The following ACAP2 variants were observed in gnomAD, a reference collection of about 807,000 sequenced individuals.
The protein encoded by ACAP2 is ArfGAP with coiled-coil, ankyrin repeat and PH domains 2, also known as arf-GAP with coiled-coil, ANK repeat and PH domain-containing protein 2.
In ACAP2, 39 loss-of-function variants were observed where a neutral mutation model predicts 115.8. The observed-to-expected ratio is 0.34, with a 90% CI of 0.26 to 0.44. The LOEUF (loss-of-function observed/expected upper bound fraction) is 0.44. Among genes scored for constraint, ACAP2 ranks in the 20% least tolerant of loss-of-function variants. The probability of loss-of-function intolerance (pLI) is 1.00; values close to 1 mark genes in which losing one functional copy is unlikely to be tolerated. For missense variants in ACAP2, 662 were observed against 927.6 expected, an observed-to-expected ratio of 0.71 and a Z score of 3.72; for synonymous variants, 289 against 315.8, an observed-to-expected ratio of 0.92 and a Z score of 0.90.
chr3:195,345,665 A>C (rs73890784), intron 4 of ACAP2, among the ~76,000 whole-genome samples: 3,494 of 152,276 alleles, frequency 0.023, 135 homozygotes, highest in African/African-American at 0.079. Context: ...CATTACAGAA[A>C]TTATTTACTC....
rs574115928 is a variant in ACAP2, at chr3:195,401,097, G to T, written c.54-8950C>A. Among the ~76,000 whole-genome samples, 87 of 152,206 alleles carry T rather than the reference G, an allele frequency of 5.7e-4. 1 individual carries two copies. The highest frequency in any genetic ancestry group is 5.7e-3 in the Admixed American group (87 of 15,288). ...CTGCCATATTCCTGCTTTTATGGCT[G>T]TTCCCCATTATCCTTTTCAGGAATT... On this transcript the variant is annotated intron_variant, in intron 1 of 22. Transcript: ENST00000326793.
At chr3:195,420,628 C>T (rs1714112004) in intron 1 of ACAP2, among the ~76,000 whole-genome samples, 1 of 151,902 alleles carries the variant, frequency 6.6e-6, no homozygotes, top group Admixed American at 6.6e-5. Context: ...CAGGCGTGAG[C>T]CACTGCGCCC....
intron 15 of ACAP2, among the ~76,000 whole-genome samples, chr3:195,299,811 T>C (rs997016240): frequency 6.6e-5 from 10 of 151,880 alleles, no homozygotes; most frequent in Non-Finnish European, 8.8e-5. Context: ...GCACTCCAGC[T>C]TGGGCGACAC....
At chr3:195,370,986 G>A (rs1733098349) in intron 4 of ACAP2, among the ~76,000 whole-genome samples, 2 of 151,302 alleles carry the variant, frequency 1.3e-5, no homozygotes, top group African/African-American at 4.9e-5. Flanking sequence ...TTTGAAGTCT[G>A]GAATGTGATG....
chr3:195,334,480 T>C (rs988411729), intron 7 of ACAP2, among the ~76,000 whole-genome samples: 5 of 152,046 alleles, frequency 3.3e-5, no homozygotes, highest in Non-Finnish European at 7.4e-5. Flanking sequence ...GAAAAACCCA[T>C]GACAAAGAGT....
At chr3:195,325,967 TCTTTC>T in intron 9 of ACAP2, among the ~76,000 whole-genome samples, 1 of 152,332 alleles carries the variant, frequency 6.6e-6, no homozygotes, top group East Asian at 1.9e-4. Flanking sequence ...CTTGTAGAAA[TCTTTC>T]CTTTAATTAT....
chr3:195,386,836 G>T (rs753156894), intron 2 of ACAP2, among the ~76,000 whole-genome samples: 1 of 151,948 alleles, frequency 6.6e-6, no homozygotes, highest in African/African-American at 2.4e-5. Flanking sequence ...TATCACAAGC[G>T]GATAGTGAAA....
In ACAP2 at chr3:195,442,832, CCA is replaced by C; in HGVS notation, c.14_15del (p.Val5GlyfsTer22). 6.5e-7 allele frequency: 1 copy of C among 1,527,774 alleles called. No individual in the cohort carries two copies. Among genetic ancestry groups the C allele is most frequent in the Non-Finnish European group, 8.8e-7 (1 of 1,137,562 alleles). The allele number at this position is 1,527,774 out of a possible 1,614,324, so 94.6% of individuals were successfully genotyped here. MKMT[V>X]DFEECLKDSP... is the part of the protein sequence containing the mutation. ...GAGTCCTTCAGACACTCCTCGAAAT[CCA>C]CAGTCATCTTCATCCTGCCTCCGCC... On this transcript the variant is annotated frameshift_variant, in exon 1 of 23. Coordinates refer to ENST00000326793, the MANE Select transcript of ACAP2 (RefSeq NM_012287.6). LOFTEE classifies it high-confidence loss of function.
At chr3:195,328,222 T>C (rs1335313478) in intron 8 of ACAP2, among the ~76,000 whole-genome samples, 2 of 152,146 alleles carry the variant, frequency 1.3e-5, no homozygotes, top group African/African-American at 2.4e-5. Context: ...AATTAAAACA[T>C]ACATATCAGA....
chr3:195,412,057 G>A (rs1283287961), intron 1 of ACAP2, among the ~76,000 whole-genome samples: 1 of 151,056 alleles, frequency 6.6e-6, no homozygotes, highest in African/African-American at 2.4e-5. Flanking sequence ...GGGTGCAGTG[G>A]CTCATGCCTA....
At chr3:195,363,277 T>C (rs1430792627) in intron 4 of ACAP2, among the ~76,000 whole-genome samples, 2 of 152,206 alleles carry the variant, frequency 1.3e-5, no homozygotes, top group Admixed American at 6.5e-5. Flanking sequence ...AAAACATTGA[T>C]GCAAAATGTT....
chr3:195,351,753 A>G (rs1213314062), intron 4 of ACAP2, among the ~76,000 whole-genome samples: 2 of 152,180 alleles, frequency 1.3e-5, no homozygotes, highest in Non-Finnish European at 2.9e-5. Flanking sequence ...GTGAGCCACC[A>G]TGCCCGGCCT....
At chr3:195,319,407 C>A (rs1479051957) in intron 10 of ACAP2, among the ~76,000 whole-genome samples, 1 of 152,206 alleles carries the variant, frequency 6.6e-6, no homozygotes, top group Non-Finnish European at 1.5e-5. Context: ...TTGCACCATG[C>A]ACCTGGAAAC....
intron 15 of ACAP2, among the ~76,000 whole-genome samples, chr3:195,300,172 G>C (rs774174676): frequency 6.6e-6 from 1 of 150,826 alleles, no homozygotes; most frequent in Non-Finnish European, 1.5e-5. Context: ...TCAGCCTCTC[G>C]AGTAGCTGGG....
chr3:195,275,461 C>T lies in ACAP2; in HGVS notation c.*3867G>A, dbSNP rs540136005. On this transcript the variant is annotated 3_prime_UTR_variant, in exon 23 of 23. Transcript: ENST00000326793. Reference sequence around the variant, plus strand: ...AATGTAAGATTTCCTACAATTTTGTCTTCAAATCCCAATCTAGCCCTTCAA... The same window carrying T: ...AATGTAAGATTTCCTACAATTTTGTTTTCAAATCCCAATCTAGCCCTTCAA... 26 of 152,298 alleles carry T rather than the reference C, an allele frequency of 1.7e-4. No homozygotes were observed. Among genetic ancestry groups the T allele is most frequent in the African/African-American group, 6.3e-4 (26 of 41,568 alleles). The allele number at this position is 152,298 out of a possible 1,614,324, so 9.4% of individuals were successfully genotyped here. A position where few individuals can be genotyped will look rare whatever the true frequency, so the allele number is the denominator to read the frequency against.
rs73890762 is a variant in ACAP2 at position 195,308,698 on chromosome 3, A to C, written c.909+88T>G. 5,477 of 1,049,094 alleles carry C rather than the reference A, an allele frequency of 5.2e-3. 220 individuals carry two copies. The African/African-American group carries it at 0.079, about 15-fold the overall frequency. The allele number at this position is 1,049,094 out of a possible 1,614,324, so 65.0% of individuals were successfully genotyped here. A position where few individuals can be genotyped will look rare whatever the true frequency, so the allele number is the denominator to read the frequency against. On this transcript the variant is annotated intron_variant, in intron 11 of 22. Coordinates refer to ENST00000326793, the MANE Select transcript of ACAP2 (RefSeq NM_012287.6). ...TAAATAATTACATTAATTTTACACA[A>C]ATGAGTATGTATAGACTTCAATGTT...
At position 195,379,458 on chromosome 3, in the gene ACAP2, T is replaced by TCAACAACAA. The variant is rs762499348; in HGVS notation, c.285+1542_285+1550dup. 2.0e-5 allele frequency among the ~76,000 whole-genome samples: 3 copies of TCAACAACAA among 151,612 alleles called. No individual in the cohort carries two copies. The East Asian group carries it at 5.8e-4, about 29-fold the overall frequency. On this transcript the variant is annotated intron_variant, in intron 4 of 22. Coordinates refer to ENST00000326793, the MANE Select transcript of ACAP2 (RefSeq NM_012287.6). Reference sequence around the variant, plus strand: ...CCAAACTATGTAAAACAAGTGTAAGTCAACAACAACAACAACAACAACAAC... The same window carrying TCAACAACAA: ...CCAAACTATGTAAAACAAGTGTAAGTCAACAACAACAACAACAACAACAACAACAACAAC...
intron 9 of ACAP2, among the ~76,000 whole-genome samples, chr3:195,324,500 T>C (rs547685557): frequency 5.5e-4 from 84 of 152,226 alleles, no homozygotes; most frequent in African/African-American, 2.0e-3. Context: ...ACACCTGTAA[T>C]CCGAGCACAT....
At chr3:195,364,342 C>T (rs1732571425) in intron 4 of ACAP2, among the ~76,000 whole-genome samples, 1 of 152,246 alleles carries the variant, frequency 6.6e-6, no homozygotes, top group East Asian at 1.9e-4. Flanking sequence ...TGAAAAGGCA[C>T]CCAACATCAA....
Sources: gnomAD v4.1 joint callset for allele counts (sites outside exome capture counted in the v4.1 genomes callset) on GRCh38, gnomAD v4.1.1 for gene constraint, MANE v1.5 for transcripts, NCBI Gene and HGNC (gene_info 2026-07-23, HGNC 2026-07-21) for gene names.